ROBO2: variants seen among roughly 807,000 people sequenced by gnomAD.
ROBO2 encodes the protein roundabout homolog 2.
Under a neutral mutation model 160.8 loss-of-function variants are expected in ROBO2, and 53 were observed. The observed-to-expected ratio is 0.33, with a 90% CI of 0.26 to 0.41. ROBO2 has a LOEUF of 0.41. Among genes scored for constraint, ROBO2 ranks in the 10% least tolerant of loss-of-function variants. The pLI is 1.00. For missense variants in ROBO2, 1,577 were observed against 1,722.4 expected (o/e 0.92, Z 1.49); for synonymous variants, 664 against 611.7 (o/e 1.09, Z -1.26).
In ROBO2 at chr3:76,034,677, C is replaced by T. The variant is rs72890390; in HGVS notation, c.109+97075C>T. ...ACAGTAACTTCTTCTTGTCTTATCACCTCAAATCCATGTTTTTGGTGATGT... is the reference window on the plus strand; with the variant it reads ...ACAGTAACTTCTTCTTGTCTTATCATCTCAAATCCATGTTTTTGGTGATGT... On this transcript the variant is annotated intron_variant, in intron 2 of 26. Transcript: ENST00000487694. 7.3e-3 allele frequency among the ~76,000 whole-genome samples: 1,107 copies of T among 150,976 alleles called. 35 individuals carry two copies. The highest frequency in any genetic ancestry group is 0.026 in the African/African-American group (1,048 of 40,266).
intron 2 of ROBO2, among the ~76,000 whole-genome samples, chr3:77,136,329 A>C (rs1265202639): frequency 6.6e-6 from 1 of 152,120 alleles, no homozygotes; most frequent in Non-Finnish European, 1.5e-5. Flanking sequence ...ATTTTTATAA[A>C]TTAGCTTCAT....
intron 2 of ROBO2, among the ~76,000 whole-genome samples, chr3:75,952,529 A>G (rs1374723408): frequency 6.6e-6 from 1 of 151,980 alleles, no homozygotes; most frequent in Non-Finnish European, 1.5e-5. Flanking sequence ...GAAGTGAATA[A>G]GCATTCACAT....
At chr3:77,530,043 C>G (rs899685563) in intron 6 of ROBO2, among the ~76,000 whole-genome samples, 2 of 151,646 alleles carry the variant, frequency 1.3e-5, no homozygotes, top group Non-Finnish European at 2.9e-5. Flanking sequence ...ATATTAAAAT[C>G]ATAGAAAAAC....
At chr3:76,750,577 C>T (rs571676634) in intron 2 of ROBO2, among the ~76,000 whole-genome samples, 1 of 152,232 alleles carries the variant, frequency 6.6e-6, no homozygotes, top group East Asian at 1.9e-4. Context: ...TCTCCTTAAG[C>T]TGATAAGCAA....
In ROBO2 at chr3:77,219,489, G is replaced by A. The variant is rs865778188; in HGVS notation, c.388+121149G>A. On this transcript the variant is annotated intron_variant, in intron 2 of 25. Coordinates refer to ENST00000461745, the Ensembl canonical transcript of ROBO2. ...CTGTGTATATATATATATATAATCT[G>A]TATATATATATATATATATATATAT... Among the ~76,000 whole-genome samples, 29 of 111,450 alleles carry A rather than the reference G, an allele frequency of 2.6e-4. 1 individual carries two copies. The highest frequency in any genetic ancestry group is 3.6e-4 in the African/African-American group (11 of 30,798). 73.1% of individuals were successfully genotyped at this position (111,450 alleles called of 152,430 possible).
At chr3:75,973,857 G>A (rs2065061018) in intron 2 of ROBO2, among the ~76,000 whole-genome samples, 1 of 151,218 alleles carries the variant, frequency 6.6e-6, no homozygotes, top group African/African-American at 2.4e-5. Flanking sequence ...GAGAAAATTT[G>A]AAGGCAGAAG....
intron 2 of ROBO2, among the ~76,000 whole-genome samples, chr3:76,335,732 A>G (rs2073843918): frequency 6.6e-6 from 1 of 151,640 alleles, no homozygotes; most frequent in South Asian, 2.1e-4. Context: ...CGCCGCCACC[A>G]CGCCCAGCTA....
intron 2 of ROBO2, among the ~76,000 whole-genome samples, chr3:76,123,029 G>T (rs2070818046): frequency 6.6e-6 from 1 of 152,042 alleles, no homozygotes; most frequent in African/African-American, 2.4e-5. Context: ...TTACAGGCAT[G>T]AGCCACCGTG....
At chr3:76,739,439 A>C (rs1428340633) in intron 2 of ROBO2, among the ~76,000 whole-genome samples, 1 of 138,824 alleles carries the variant, frequency 7.2e-6, no homozygotes, top group Non-Finnish European at 1.5e-5. Context: ...ATGAGAACAC[A>C]TGGACACAAG....
intron 2 of ROBO2, among the ~76,000 whole-genome samples, chr3:77,448,263 A>G (rs2080765220): frequency 6.6e-6 from 1 of 152,072 alleles, no homozygotes; most frequent in Admixed American, 6.6e-5. Context: ...ATGACTTTTG[A>G]AGTTGAAATT....
At chr3:76,331,237 A>G (rs1381201057) in intron 2 of ROBO2, among the ~76,000 whole-genome samples, 1 of 152,160 alleles carries the variant, frequency 6.6e-6, no homozygotes, top group Non-Finnish European at 1.5e-5. Context: ...AAACAATTGT[A>G]TATTTTTATA....
Position 76,477,854 on chromosome 3 carries a change from A to G in ROBO2, c.109+540252A>G, listed in dbSNP as rs1467693061. Among the ~76,000 whole-genome samples the G allele has an allele frequency of 2.6e-5, 4 of 151,980 alleles. No homozygotes were observed. The East Asian group carries it at 7.8e-4, about 29-fold the overall frequency. ...AAACCTTTTTTCTCTAAATTCTTCC[A>G]TTTCTTTCTACATTTGTTGCAGAAA... On this transcript the variant is annotated intron_variant, in intron 2 of 26. Coordinates refer to the ROBO2 transcript ENST00000487694.
intron 2 of ROBO2, among the ~76,000 whole-genome samples, chr3:77,213,138 T>G (rs529845930): frequency 2.1e-4 from 32 of 152,298 alleles, no homozygotes; most frequent in African/African-American, 7.2e-4. Context: ...TTGGAATAGT[T>G]TCAGAAGGAA....
intron 2 of ROBO2, among the ~76,000 whole-genome samples, chr3:76,549,673 C>T (rs984678578): frequency 2.6e-5 from 4 of 152,290 alleles, no homozygotes; most frequent in East Asian, 1.9e-4. Flanking sequence ...AACGTAGTGA[C>T]GCATCTTAGG....
intron 2 of ROBO2, among the ~76,000 whole-genome samples, chr3:76,748,096 C>T (rs2093922651): frequency 6.6e-6 from 1 of 151,880 alleles, no homozygotes; most frequent in South Asian, 2.1e-4. Context: ...CTTGATTCTC[C>T]TATTCATCCC....
chr3:76,478,533 C>G (rs973657636), intron 2 of ROBO2, among the ~76,000 whole-genome samples: 1 of 151,996 alleles, frequency 6.6e-6, no homozygotes, highest in African/African-American at 2.4e-5. Flanking sequence ...AAAATTAATT[C>G]AAGCAGCTGC....
At chr3:76,070,550 G>A (rs2068417261) in intron 2 of ROBO2, among the ~76,000 whole-genome samples, 1 of 152,098 alleles carries the variant, frequency 6.6e-6, no homozygotes, top group Admixed American at 6.6e-5. Flanking sequence ...CTGTCCTGTG[G>A]TCCTGTGATC....
chr3:77,343,846 C>A (rs2067331282), intron 2 of ROBO2, among the ~76,000 whole-genome samples: 1 of 152,116 alleles, frequency 6.6e-6, no homozygotes, highest in South Asian at 2.1e-4. Context: ...AATGAGAGAG[C>A]TTTACTGCAG....
At chr3:76,819,900 A>C (rs2065972821) in intron 2 of ROBO2, among the ~76,000 whole-genome samples, 1 of 152,042 alleles carries the variant, frequency 6.6e-6, no homozygotes, top group South Asian at 2.1e-4. Context: ...GAATGAGGAT[A>C]AATACTGGTT....
Sources: allele counts gnomAD v4.1 joint callset (sites outside exome capture counted in the v4.1 genomes callset), GRCh38; gene constraint gnomAD v4.1.1; transcripts MANE v1.5; gene names NCBI Gene and HGNC (gene_info 2026-07-23, HGNC 2026-07-21).